Variants in TG observed in about 807,000 individuals in gnomAD.
The protein encoded by TG is thyroid hormones.
TG carries 270 observed loss-of-function variants against 324.7 expected under a neutral mutation model. That is an observed-to-expected ratio of 0.83 (90% CI 0.75 to 0.92). The LOEUF (loss-of-function observed/expected upper bound fraction) is 0.92, where lower values mean the gene tolerates loss of function less well. TG is among the 40% of genes least tolerant of loss of function. The pLI is 0.00. For synonymous variants in TG, 1,401 were observed against 1,327.0 expected (o/e 1.06, Z -1.21); for missense variants, 3,591 against 3,456.4 (o/e 1.04, Z -0.98).
intron 46 of TG, among the ~76,000 whole-genome samples, chr8:133,133,220 G>A (rs1309812148): frequency 1.3e-5 from 2 of 152,152 alleles, no homozygotes; most frequent in Non-Finnish European, 2.9e-5. Flanking sequence ...CTAGGTCCTG[G>A]GTAATGCTAC....
intron 40 of TG, among the ~76,000 whole-genome samples, chr8:133,027,475 T>C (rs1197147012): frequency 2.6e-5 from 4 of 152,008 alleles, no homozygotes; most frequent in Non-Finnish European, 5.9e-5. Flanking sequence ...AGGTGGGGCC[T>C]GAGGATGAGA....
intron 28 of TG, among the ~76,000 whole-genome samples, chr8:132,961,350 G>C (rs938150346): frequency 2.0e-5 from 3 of 152,162 alleles, no homozygotes; most frequent in Admixed American, 2.0e-4. Flanking sequence ...AGACACCCTT[G>C]TTCCTAGGAG....
intron 43 of TG, among the ~76,000 whole-genome samples, chr8:133,103,302 C>T (rs1170697455): frequency 6.6e-6 from 1 of 152,192 alleles, no homozygotes; most frequent in Non-Finnish European, 1.5e-5. Flanking sequence ...AAAGAGGTAT[C>T]TCCCAACACC....
intron 41 of TG, among the ~76,000 whole-genome samples, chr8:133,067,088 GA>G (rs1843140326): frequency 6.6e-6 from 1 of 152,148 alleles, no homozygotes. Flanking sequence ...TTCCTTTCAG[GA>G]AAAATAAGAG....
intron 17 of TG, among the ~76,000 whole-genome samples, chr8:132,907,508 G>A (rs1011082997): frequency 6.6e-6 from 1 of 152,194 alleles, no homozygotes; most frequent in East Asian, 1.9e-4. Flanking sequence ...ACCCGGTGCA[G>A]TGGGAAGGGC....
intron 27 of TG, among the ~76,000 whole-genome samples, chr8:132,951,671 T>G (rs1053588125): frequency 1.3e-5 from 2 of 152,140 alleles, no homozygotes; most frequent in Non-Finnish European, 2.9e-5. Context: ...TGCACTATGA[T>G]AGGGATTTCA....
chr8:132,983,720 T>A (rs1199146869), intron 35 of TG: 2 of 468,518 alleles, frequency 4.3e-6, no homozygotes, highest in Non-Finnish European at 7.8e-6. Context: ...TATCGAGTAA[T>A]GACTAGACAC....
chr8:132,942,299 G>A (rs1278080821), intron 26 of TG, among the ~76,000 whole-genome samples: 1 of 152,202 alleles, frequency 6.6e-6, no homozygotes, highest in Non-Finnish European at 1.5e-5. Context: ...GATAATGAGT[G>A]CAAAATGCTG....
At chr8:133,021,586 T>C (rs1835569451) in intron 39 of TG, among the ~76,000 whole-genome samples, 1 of 152,234 alleles carries the variant, frequency 6.6e-6, no homozygotes, top group South Asian at 2.1e-4. Context: ...CTCACAATTC[T>C]AGAGACAGAA....
Position 132,887,403 on chromosome 8 carries a change from T to G in TG, c.2031T>G (p.Pro677=). The G allele has an allele frequency of 5.0e-6, 8 of 1,614,216 alleles. No individual in the cohort carries two copies. Among genetic ancestry groups the G allele is most frequent in the Non-Finnish European group, 6.8e-6 (8 of 1,180,036 alleles). The change falls in exon 9 of 48, where the codon CCT becomes CCG. Residue 677 remains proline, a synonymous_variant. Coordinates refer to ENST00000220616, the MANE Select transcript of TG (RefSeq NM_003235.5). ...TGCAAAGCCTCATGGGCAGCCAGCC[T>G]GCTGGCTCCACCTTGTTTGTCCCTG... ...ARMQSLMGSQ[P]AGSTLFVPAC...
At chr8:132,994,807 G>A (rs1180595258) in intron 35 of TG, 102 of 1,287,338 alleles carry the variant, frequency 7.9e-5, no homozygotes, top group Non-Finnish European at 1.0e-4. Flanking sequence ...ATGGGAAGGT[G>A]AGATGGGGAA....
chr8:132,976,453 T>G (rs1830184148), intron 34 of TG, among the ~76,000 whole-genome samples: 1 of 152,064 alleles, frequency 6.6e-6, no homozygotes, highest in South Asian at 2.1e-4. Flanking sequence ...TCAACATGAG[T>G]TTTGGAGGGG....
intron 43 of TG, among the ~76,000 whole-genome samples, chr8:133,098,705 G>A (rs1249145629): frequency 6.6e-6 from 1 of 152,204 alleles, no homozygotes; most frequent in Middle Eastern, 3.2e-3. Flanking sequence ...CGGCCCTGTG[G>A]TTAGTTCCCA....
At chr8:133,111,302 G>T (rs1388111174) in intron 43 of TG, among the ~76,000 whole-genome samples, 1 of 152,142 alleles carries the variant, frequency 6.6e-6, no homozygotes, top group Non-Finnish European at 1.5e-5. Flanking sequence ...AACAAGCTAG[G>T]CAGGTTCTCT....
rs771710636 is a variant in TG at position 132,972,611 on chromosome 8, A to G, written c.6069A>G (p.Thr2023=). The G allele has an allele frequency of 5.0e-6, 8 of 1,605,552 alleles. No individual in the cohort carries two copies. The Admixed American group carries it at 5.1e-5, about 10-fold the overall frequency. The change falls in exon 34 of 48, where the codon ACA becomes ACG. Residue 2023 remains threonine (T), a synonymous_variant. Transcript: ENST00000220616. ...TTTCCACCCCAGGAGGAGAGGTGAC[A>G]TGTCTCACTCTGAACAGCTTGGGAA... The part of the protein sequence containing the change: ...NVSQLKGGEV[T]CLTLNSLGIQ...
Position 132,869,817 on chromosome 8 carries a change from C to T in TG, c.265C>T (p.Pro89Ser), listed in dbSNP as rs752351814. ...GCTGGGCAGCAGGCAGCCAGGACGG[C>T]CTGTGGCTTGTAAGTGGGAGTGGGG... ...EVLGSRQPGR[P>S]VACLSFCQLQ... Residue 89 changes from proline to serine, a missense_variant, in exon 3 of 48, where the codon CCT (proline) becomes TCT (serine). Transcript: ENST00000220616. 6.2e-6 allele frequency: 10 copies of T among 1,613,922 alleles called. No individual in the cohort carries two copies.
At chr8:133,059,959 A>G in intron 41 of TG, 1 of 843,030 alleles carries the variant, frequency 1.2e-6, no homozygotes, top group Admixed American at 3.0e-5. Context: ...AACCACAAAC[A>G]AAACTAGAGA....
intron 41 of TG, among the ~76,000 whole-genome samples, chr8:133,086,350 G>A (rs1486761064): frequency 1.3e-5 from 2 of 152,188 alleles, no homozygotes; most frequent in Non-Finnish European, 2.9e-5. Context: ...TCTGTGGTAT[G>A]TGAATTATAT....
intron 41 of TG, among the ~76,000 whole-genome samples, chr8:133,067,345 G>C (rs756593402): frequency 6.6e-6 from 1 of 152,116 alleles, no homozygotes; most frequent in Non-Finnish European, 1.5e-5. Context: ...GAGGAGGGCT[G>C]CGGCATACCA....
Sources: gnomAD v4.1 joint callset for allele counts (sites outside exome capture counted in the v4.1 genomes callset) on GRCh38, gnomAD v4.1.1 for gene constraint, MANE v1.5 for transcripts, NCBI Gene and HGNC (gene_info 2026-07-23, HGNC 2026-07-21) for gene names.